The following TOP1 variants were observed in gnomAD, a reference collection of about 807,000 sequenced individuals.
TOP1 encodes DNA topoisomerase 1.
In TOP1, 10 loss-of-function variants were observed where a neutral mutation model predicts 111.1. The observed-to-expected ratio is 0.09, with a 90% confidence interval of 0.06 to 0.15. The LOEUF is 0.15. TOP1 is among the 10% of genes least tolerant of loss of function. TOP1 has a pLI of 1.00. For synonymous variants in TOP1, 271 were observed against 302.9 expected (o/e 0.89, Z 1.10); for missense variants, 474 against 926.7 (o/e 0.51, Z 6.34).
At chr20:41,062,099 T>G (rs181919826) in intron 3 of TOP1, among the ~76,000 whole-genome samples, 33 of 152,368 alleles carry the variant, frequency 2.2e-4, no homozygotes, top group African/African-American at 7.2e-4. Context: ...TTGTTCATTT[T>G]GCTCCCATTT....
chr20:41,109,116 C>T lies in TOP1; in HGVS notation c.1309-3666C>T, dbSNP rs1392348004. The stretch of plus-strand genomic sequence containing the variant: ...TAGAGTCTAGAATTCTGTGGGGTTC[C>T]AAAAATGTATGTGCTTACAACCTTT... On this transcript the variant is annotated intron_variant, in intron 13 of 20. Transcript: ENST00000361337. The surrounding 1 kb of genome is among the most constrained non-coding windows in gnomAD (Gnocchi z 4.1). Among the ~76,000 whole-genome samples the T allele has an allele frequency of 6.6e-6, 1 of 152,078 alleles. No homozygotes were observed.
chr20:41,038,108 T>A (rs1194106289), intron 2 of TOP1, among the ~76,000 whole-genome samples: 4 of 152,132 alleles, frequency 2.6e-5, no homozygotes, highest in Admixed American at 2.0e-4. Context: ...CTTCAAAGCT[T>A]TGGTCTCTTT....
chr20:41,059,421 TAAATAAATAAATAAA>T (rs1174043419), intron 2 of TOP1, among the ~76,000 whole-genome samples: 20 of 124,296 alleles, frequency 1.6e-4, no homozygotes, highest in African/African-American at 5.6e-4. Context: ...AATAAATAAA[TAAATAAATAAATAAA>T]TAAATAAATA....
chr20:41,082,467 C>T lies in TOP1; in HGVS notation c.507+1227C>T, dbSNP rs953613877. ...CACATAGCTACTAAGGTGGAAAAGC[C>T]AGCATTTGATCCCATGCAGTCTGAC... On this transcript the variant is annotated intron_variant, in intron 7 of 20. Transcript: ENST00000361337. The surrounding 1 kb of genome is among the most constrained non-coding windows in gnomAD (Gnocchi z 4.1). Among the ~76,000 whole-genome samples the T allele has an allele frequency of 1.3e-5, 2 of 152,142 alleles. No homozygotes were observed. The highest frequency in any genetic ancestry group is 2.9e-5 in the Non-Finnish European group (2 of 68,010).
chr20:41,079,284 G>C lies in TOP1; in HGVS notation c.336-801G>C, dbSNP rs1039977116. Among the ~76,000 whole-genome samples the C allele has an allele frequency of 2.0e-5, 3 of 152,202 alleles. No homozygotes were observed. The highest frequency in any genetic ancestry group is 7.2e-5 in the African/African-American group (3 of 41,444). The stretch of plus-strand genomic sequence containing the variant: ...TACTAAGTTAAGGCAGTGAGGTTCT[G>C]AAGAGATGTGCCAGGCCAGGGAGCA... On this transcript the variant is annotated intron_variant, in intron 5 of 20. Transcript: ENST00000361337. The surrounding 1 kb of genome is among the most constrained non-coding windows in gnomAD (Gnocchi z 4.0).
intron 2 of TOP1, among the ~76,000 whole-genome samples, chr20:41,052,522 GT>G (rs1450102441): frequency 6.6e-6 from 1 of 152,130 alleles, no homozygotes; most frequent in Non-Finnish European, 1.5e-5. Flanking sequence ...CAGCTTCATT[GT>G]CATTTTGGGT....
chr20:41,028,830 A>C lies in TOP1; in HGVS notation c.-238A>C. The C allele has an allele frequency of 1.9e-6, 1 of 524,128 alleles. No individual in the cohort carries two copies. The highest frequency in any genetic ancestry group is 3.4e-6 in the Non-Finnish European group (1 of 297,684). 32.5% of individuals were successfully genotyped at this position (524,128 alleles called of 1,614,324 possible). ...CGCAGGCGCAGTGAGCCCAAATGCG[A>C]ACTTAGGCTGTTACACAACTGCTGG... On this transcript the variant is annotated 5_prime_UTR_variant, in exon 1 of 21. Coordinates refer to ENST00000361337, the MANE Select transcript of TOP1 (RefSeq NM_003286.4).
At chr20:41,075,333 G>A (rs1461926676) in intron 3 of TOP1, among the ~76,000 whole-genome samples, 4 of 152,022 alleles carry the variant, frequency 2.6e-5, no homozygotes, top group Non-Finnish European at 4.4e-5. Context: ...CACCACGCCC[G>A]GCTAATTTTT....
At chr20:41,096,143 T>C (rs1172754058) in intron 9 of TOP1, among the ~76,000 whole-genome samples, 1 of 152,220 alleles carries the variant, frequency 6.6e-6, no homozygotes, top group African/African-American at 2.4e-5. Flanking sequence ...CTTGGCTCAC[T>C]GCAACCCCTG....
chr20:41,094,171 C>T lies in TOP1; in HGVS notation c.730+1584C>T, dbSNP rs2033954695. On this transcript the variant is annotated intron_variant, in intron 9 of 20. Transcript: ENST00000361337. This position sits in a 1 kb window ranked among gnomAD's most constrained non-coding sequence, Gnocchi z 4.4. ...TTAGACCCTGATCTTGGGGAGTTTG[C>T]AGCCTAACAGGACTCCATAATCTCA... Among the ~76,000 whole-genome samples the T allele has an allele frequency of 6.6e-6, 1 of 152,100 alleles. No individual in the cohort carries two copies. Among genetic ancestry groups the T allele is most frequent in the South Asian group, 2.1e-4 (1 of 4,808 alleles).
In TOP1 at chr20:41,067,948, G is replaced by C. The variant is rs1310183231; in HGVS notation, c.155+6458G>C. ...TTTCATCTTGTCTTCTCTTTGTGTGGACAGGAGTCTGAGGTCACATGCTCT... is the reference window on the plus strand; with the variant it reads ...TTTCATCTTGTCTTCTCTTTGTGTGCACAGGAGTCTGAGGTCACATGCTCT... On this transcript the variant is annotated intron_variant, in intron 3 of 20. Coordinates refer to ENST00000361337, the MANE Select transcript of TOP1 (RefSeq NM_003286.4). The surrounding 1 kb of genome is among the most constrained non-coding windows in gnomAD (Gnocchi z 4.0). Among the ~76,000 whole-genome samples, 3 of 152,200 alleles carry C rather than the reference G, an allele frequency of 2.0e-5. No homozygotes were observed. The highest frequency in any genetic ancestry group is 2.9e-5 in the Non-Finnish European group (2 of 68,036).
At chr20:41,053,008 A>C (rs182935840) in intron 2 of TOP1, among the ~76,000 whole-genome samples, 11 of 152,124 alleles carry the variant, frequency 7.2e-5, no homozygotes, top group East Asian at 1.9e-4. Context: ...ACAAAAAAAA[A>C]CTCTGTTTTG....
At chr20:41,060,673 C>A (rs973650453) in intron 2 of TOP1, among the ~76,000 whole-genome samples, 2 of 152,086 alleles carry the variant, frequency 1.3e-5, no homozygotes, top group Admixed American at 6.5e-5. Flanking sequence ...CACCCCACCC[C>A]CTGTCCCTAG....
intron 3 of TOP1, chr20:41,073,528 C>T (rs756817805): frequency 1.0e-6 from 1 of 961,678 alleles, no homozygotes; most frequent in Non-Finnish European, 1.2e-6. Context: ...TCAGACTCAC[C>T]ATGGCTGTTT....
In TOP1 at chr20:41,115,322, T is replaced by G. The variant is rs2034311999; in HGVS notation, c.1639-49T>G. ...TTTAAGTTTGGGGTTATTTCTAAAG[T>G]TAGGATTTTTTTCAAGAGTAATAAT... On this transcript the variant is annotated intron_variant, in intron 15 of 20. Coordinates refer to ENST00000361337, the MANE Select transcript of TOP1 (RefSeq NM_003286.4). This position sits in a 1 kb window ranked among gnomAD's most constrained non-coding sequence, Gnocchi z 6.3. The G allele has an allele frequency of 1.5e-6, 2 of 1,372,182 alleles. No individual in the cohort carries two copies. The highest frequency in any genetic ancestry group is 1.2e-5 in the South Asian group (1 of 85,388). The allele number at this position is 1,372,182 out of a possible 1,614,324, so 85.0% of individuals were successfully genotyped here. A position where few individuals can be genotyped will look rare whatever the true frequency, so the allele number is the denominator to read the frequency against.
chr20:41,031,330 G>A (rs1004183597), intron 2 of TOP1, among the ~76,000 whole-genome samples: 1 of 152,212 alleles, frequency 6.6e-6, no homozygotes, highest in Admixed American at 6.5e-5. Context: ...CTTTAATATG[G>A]AATGTGTTCT....
chr20:41,112,465 G>GA lies in TOP1; in HGVS notation c.1309-316dup, dbSNP rs2034257744. The stretch of plus-strand genomic sequence containing the variant: ...TTAGAAGTCAGTTGTGCTTGGCAGT[G>GA]AGATGGGACAATGTGCATTCTTAAC... On this transcript the variant is annotated intron_variant, in intron 13 of 20. Coordinates refer to ENST00000361337, the MANE Select transcript of TOP1 (RefSeq NM_003286.4). The surrounding 1 kb of genome is among the most constrained non-coding windows in gnomAD (Gnocchi z 5.8). Among the ~76,000 whole-genome samples, 1 of 152,230 alleles carries GA rather than the reference G, an allele frequency of 6.6e-6. No homozygotes were observed. Among genetic ancestry groups the GA allele is most frequent in the East Asian group, 1.9e-4 (1 of 5,202 alleles).
intron 14 of TOP1, among the ~76,000 whole-genome samples, chr20:41,113,751 C>T (rs1032828081): frequency 6.7e-6 from 1 of 150,218 alleles, no homozygotes; most frequent in African/African-American, 2.4e-5. Flanking sequence ...GGCGTGGTGG[C>T]GGGCGCCTGT....
rs2034338693 is a variant in TOP1, at chr20:41,116,855, C to T, written c.1822+463C>T. On this transcript the variant is annotated intron_variant, in intron 17 of 20. Transcript: ENST00000361337. The surrounding 1 kb of genome is among the most constrained non-coding windows in gnomAD (Gnocchi z 5.6). The stretch of plus-strand genomic sequence containing the variant: ...TTTTTAGAATATTATCACCAAGATC[C>T]ACGGGCTTTTTTTTTCCTGGAGCCC... 6.6e-6 allele frequency among the ~76,000 whole-genome samples: 1 copy of T among 152,012 alleles called. No homozygotes were observed. Among genetic ancestry groups the T allele is most frequent in the South Asian group, 2.1e-4 (1 of 4,818 alleles).
Sources: allele counts gnomAD v4.1 joint callset (sites outside exome capture counted in the v4.1 genomes callset), GRCh38; gene constraint gnomAD v4.1.1; non-coding constraint Gnocchi (gnomAD v3.1); transcripts MANE v1.5; gene names NCBI Gene and HGNC (gene_info 2026-07-23, HGNC 2026-07-21).